Variants in HEXD observed in about 807,000 individuals in gnomAD.
The protein encoded by HEXD is N-acetyl-beta-galactosaminidase.
HEXD carries 47 observed loss-of-function variants against 54.2 expected under a neutral mutation model. The observed-to-expected ratio is 0.87, with a 90% confidence interval of 0.69 to 1.11. The LOEUF is 1.11. HEXD is among the 50% of genes least tolerant of loss of function. The pLI, the probability that HEXD is intolerant of heterozygous loss-of-function variation, is 0.00. For missense variants in HEXD, 576 were observed against 649.2 expected (o/e 0.89, Z 1.23); for synonymous variants, 293 against 287.6 (o/e 1.02, Z -0.19).
At chr17:82,441,332 G>T in intron 11 of HEXD, 66 bp downstream of exon 11, 1 of 1,435,672 alleles carries the variant, frequency 7.0e-7, no homozygotes, top group Non-Finnish European at 9.4e-7. Flanking sequence ...GCAGGTGAGG[G>T]GGCAGGTGTG....
chr17:82,442,602 G>A lies in HEXD; in HGVS notation c.*218G>A. On this transcript the variant is annotated 3_prime_UTR_variant, in exon 13 of 13. Coordinates refer to ENST00000327949, the MANE Select transcript of HEXD (RefSeq NM_001330542.2). This position sits in a 1 kb window ranked among gnomAD's most constrained non-coding sequence, Gnocchi z 6.8. ...GAGACCCGCTTTGTGATCTGCATGT[G>A]TGACACTGATTCTTTGGAAATAAAG... 6 of 1,556,628 alleles carry A rather than the reference G, an allele frequency of 3.9e-6. No individual in the cohort carries two copies. The highest frequency in any genetic ancestry group is 5.2e-6 in the Non-Finnish European group (6 of 1,144,556).
intron 7 of HEXD, 44 bp downstream of exon 7, chr17:82,436,782 C>G: frequency 6.4e-7 from 1 of 1,556,906 alleles, no homozygotes; most frequent in South Asian, 1.1e-5. Context: ...GGCCATGTGC[C>G]TGGGAAGGCC....
chr17:82,441,575 G>A (rs1212120158), intron 11 of HEXD, among the ~76,000 whole-genome samples: 1 of 151,378 alleles, frequency 6.6e-6, no homozygotes, highest in Non-Finnish European at 1.5e-5. Context: ...GTGGGAGGCA[G>A]GTGTGGGTGA....
intron 4 of HEXD, among the ~76,000 whole-genome samples, chr17:82,433,045 G>T (rs1372992634): frequency 1.3e-4 from 13 of 103,212 alleles, no homozygotes; most frequent in African/African-American, 4.1e-4. Flanking sequence ...CAGACTGGGC[G>T]GCAGAGCAAG....
intron 3 of HEXD, among the ~76,000 whole-genome samples, 161 bp from the exon 4 acceptor site, chr17:82,428,397 A>T (rs943671903): frequency 6.6e-6 from 1 of 152,132 alleles, no homozygotes; most frequent in South Asian, 2.1e-4. Flanking sequence ...TGGAGCAGGT[A>T]CCTTTCCAGA....
intron 4 of HEXD, among the ~76,000 whole-genome samples, chr17:82,433,116 A>ATT (rs2053645958): frequency 5.6e-5 from 1 of 17,938 alleles, no homozygotes; most frequent in Non-Finnish European, 7.9e-5. Flanking sequence ...ATATATATAT[A>ATT]TATATATATA....
rs1284511413 is a variant in HEXD, at chr17:82,441,183, C to T, written c.1080C>T (p.Phe360=). ...TCCGCAGGGAGGGGGCCGGCTCCTT[C>T]CCTGGCAGCAACATCCTTGCCCTTG... ...TDPVREGAGS[F]PGSNILALVT... Residue 360 remains phenylalanine (F), a synonymous_variant, in exon 11 of 13, where the codon TTC becomes TTT. Coordinates refer to ENST00000327949, the MANE Select transcript of HEXD (RefSeq NM_001330542.2). 2 of 1,613,210 alleles carry T rather than the reference C, an allele frequency of 1.2e-6. No homozygotes were observed. Among genetic ancestry groups the T allele is most frequent in the Admixed American group, 1.7e-5 (1 of 60,014 alleles).
intron 4 of HEXD, among the ~76,000 whole-genome samples, chr17:82,433,122 ATATATATTTT>A (rs1387532797): frequency 1.1e-4 from 2 of 17,434 alleles, no homozygotes; most frequent in Admixed American, 1.0e-3. Flanking sequence ...ATATATATAT[ATATATATTTT>A]TTTTTTTTTT....
intron 7 of HEXD, 41 bp from the exon 8 acceptor site, chr17:82,437,127 G>T: frequency 2.0e-6 from 3 of 1,518,710 alleles, no homozygotes; most frequent in Non-Finnish European, 2.7e-6. Flanking sequence ...CGTGTTGGCC[G>T]CCTCCCCTGG....
At chr17:82,438,508 C>T (rs1363942827) in intron 8 of HEXD, among the ~76,000 whole-genome samples, 1 of 152,204 alleles carries the variant, frequency 6.6e-6, no homozygotes, top group Admixed American at 6.5e-5. Context: ...ATCACCCTGG[C>T]GCTCCCAGGC....
rs1187645563 is a variant in HEXD at position 82,434,706 on chromosome 17, C to T, written c.447+884C>T. On this transcript the variant is annotated intron_variant, in intron 5 of 12. Coordinates refer to ENST00000327949, the MANE Select transcript of HEXD (RefSeq NM_001330542.2). The surrounding 1 kb of genome is among the most constrained non-coding windows in gnomAD (Gnocchi z 4.5). ...TACAAAAATCAGCCGGGCGTGATGG[C>T]GGGCGCCTGTAATCCCAGCTACTCA... Among the ~76,000 whole-genome samples, 14 of 151,458 alleles carry T rather than the reference C, an allele frequency of 9.2e-5. No individual in the cohort carries two copies. The South Asian group carries it at 1.0e-3, about 11-fold the overall frequency.
Position 82,437,047 on chromosome 17 carries a change from C to G in HEXD, c.704-121C>G, listed in dbSNP as rs112246073. ...CACTCTGGAGTCTCCTACACTGAGA[C>G]CCGGGCCTGGCTGTCTCAGGCGGCT... On this transcript the variant is annotated intron_variant, in intron 7 of 12. Transcript: ENST00000327949. The G allele has an allele frequency of 5.4e-3, 4,784 of 884,014 alleles. 144 individuals are homozygous for G. The African/African-American group carries it at 0.07, about 13-fold the overall frequency. The allele number at this position is 884,014 out of a possible 1,614,324, so 54.8% of individuals were successfully genotyped here.
At chr17:82,428,999 G>C (rs2053500216) in intron 4 of HEXD, among the ~76,000 whole-genome samples, 1 of 152,116 alleles carries the variant, frequency 6.6e-6, no homozygotes, top group African/African-American at 2.4e-5. Flanking sequence ...GCTCACACCA[G>C]TAGTAATCCC....
At chr17:82,429,429 C>T (rs2053513870) in intron 4 of HEXD, among the ~76,000 whole-genome samples, 2 of 152,142 alleles carry the variant, frequency 1.3e-5, no homozygotes, top group Admixed American at 1.3e-4. Flanking sequence ...GTTGTTTTCA[C>T]TTACACATGT....
At chr17:82,439,577 C>G (rs1006233657) in intron 8 of HEXD, 54 bp from the exon 9 acceptor site, 11 of 1,503,770 alleles carry the variant, frequency 7.3e-6, no homozygotes, top group African/African-American at 1.4e-5. Context: ...AGGGCGCCTG[C>G]GTCAGGCTGC....
rs765525085 is a variant in HEXD, at chr17:82,436,713, G to A, written c.678G>A (p.Thr226=). Residue 226 remains threonine, a synonymous_variant, in exon 7 of 13, where the codon ACG becomes ACA. Transcript: ENST00000327949. ...QLVEPVLWDY[T]ADLDVHGKVL... is the part of the protein sequence containing the mutation. ...TGGAGCCGGTGCTCTGGGACTACAC[G>A]GCCGACCTGGATGTGCACGGCAAGG... The A allele has an allele frequency of 1.5e-5, 24 of 1,612,516 alleles. No individual in the cohort carries two copies. Among genetic ancestry groups the A allele is most frequent in the South Asian group, 1.2e-4 (11 of 90,810 alleles).
rs1277072312 is a variant in HEXD, at chr17:82,437,422, CG to C, written c.899+61del. Reference sequence around the variant, plus strand: ...AGGGCAGCTCTGGTGGCCACCACGTCGGCCTGTGCAGCGTCCGCCAAGGGCC... The same window carrying C: ...AGGGCAGCTCTGGTGGCCACCACGTCGCCTGTGCAGCGTCCGCCAAGGGCC... On this transcript the variant is annotated intron_variant, in intron 8 of 12. Transcript: ENST00000327949. The C allele has an allele frequency of 9.1e-6, 13 of 1,435,002 alleles. No homozygotes were observed. The Admixed American group carries it at 1.1e-4, about 12-fold the overall frequency. 88.9% of individuals were successfully genotyped at this position (1,435,002 alleles called of 1,614,324 possible).
At chr17:82,424,906 G>A (rs2053353463) in intron 3 of HEXD, among the ~76,000 whole-genome samples, 1 of 152,060 alleles carries the variant, frequency 6.6e-6, no homozygotes, top group African/African-American at 2.4e-5. Context: ...GAAGGCTAGA[G>A]AAAGCTGGAG....
At chr17:82,433,077 GAA>G (rs71168108) in intron 4 of HEXD, among the ~76,000 whole-genome samples, 96 of 7,838 alleles carry the variant, frequency 0.012, 3 homozygotes, top group Admixed American at 0.031. Flanking sequence ...AAAAAAAAAA[GAA>G]AAAAAAAAAA....
Sources: gnomAD v4.1 joint callset for allele counts (sites outside exome capture counted in the v4.1 genomes callset) on GRCh38, gnomAD v4.1.1 for gene constraint, Gnocchi (gnomAD v3.1) non-coding constraint, MANE v1.5 for transcripts, NCBI Gene and HGNC (gene_info 2026-07-23, HGNC 2026-07-21) for gene names.